SERPINB10: variants seen among roughly 807,000 people sequenced by gnomAD.
SERPINB10 encodes serpin family B member 10.
In SERPINB10, 35 loss-of-function variants were observed where a neutral mutation model predicts 39.1. The ratio of observed to expected loss-of-function variants is 0.90; its 90% CI spans 0.68 to 1.19. The LOEUF is 1.19. SERPINB10 is among the 50% of genes most tolerant of loss of function. The pLI, the probability that SERPINB10 is intolerant of heterozygous loss-of-function variation, is 0.00. For missense variants in SERPINB10, 546 were observed against 460.5 expected (o/e 1.19, Z -1.70); for synonymous variants, 190 against 158.1 (o/e 1.20, Z -1.52).
At chr18:63,912,760 C>T (rs562664512) in intron 1 of SERPINB10, among the ~76,000 whole-genome samples, 121 of 151,820 alleles carry the variant, frequency 8.0e-4, no homozygotes, top group African/African-American at 2.8e-3. Context: ...GTGTTTTTTC[C>T]AGGTTTTGGT....
In SERPINB10 at chr18:63,935,945, A is replaced by G. The variant is rs2050260479; in HGVS notation, c.*703A>G. 1 of 152,264 alleles carries G rather than the reference A, an allele frequency of 6.6e-6. No individual in the cohort carries two copies. Among genetic ancestry groups the G allele is most frequent in the Non-Finnish European group, 1.5e-5 (1 of 68,048 alleles). The allele number at this position is 152,264 out of a possible 1,614,324, so 9.4% of individuals were successfully genotyped here. A position where few individuals can be genotyped will look rare whatever the true frequency, so the allele number is the denominator to read the frequency against. On this transcript the variant is annotated 3_prime_UTR_variant, in exon 8 of 8. Coordinates refer to ENST00000238508, the MANE Select transcript of SERPINB10 (RefSeq NM_005024.3). ...AAATGAAATTTGAAGTTTAGCTAGT[A>G]GCAATCTCTCAATGTTGGTGCCCTA...
intron 6 of SERPINB10, among the ~76,000 whole-genome samples, chr18:63,932,793 AATAC>A (rs2144740271): frequency 6.6e-6 from 1 of 152,332 alleles, no homozygotes; most frequent in South Asian, 2.1e-4. Flanking sequence ...AGTTTGATTT[AATAC>A]ATGTTGCTGT....
chr18:63,933,007 T>C (rs201567032), intron 6 of SERPINB10, 41 bp from the exon 7 acceptor site: 126 of 1,578,238 alleles, frequency 8.0e-5, no homozygotes, highest in Admixed American at 1.1e-4. Flanking sequence ...ACTTCTTCAA[T>C]GACCTTGTTA....
intron 3 of SERPINB10, 23 bp from the exon 4 acceptor site, chr18:63,917,942 G>A: frequency 2.5e-6 from 4 of 1,605,220 alleles, no homozygotes; most frequent in Non-Finnish European, 3.4e-6. Context: ...CATTTTATTT[G>A]ACTAGTTCCT....
At chr18:63,934,721 TGAGTAAC>T in intron 7 of SERPINB10, 110 bp from the exon 8 acceptor site, 1 of 1,032,596 alleles carries the variant, frequency 9.7e-7, no homozygotes, top group South Asian at 2.0e-5. Context: ...GTTGTCACCC[TGAGTAAC>T]GGGAGTGATC....
chr18:63,910,760 TTGTGTGTGTG>T (rs763286030), intron 1 of SERPINB10, among the ~76,000 whole-genome samples: 2 of 83,550 alleles, frequency 2.4e-5, no homozygotes, highest in Non-Finnish European at 4.5e-5. Context: ...TGATGAACAC[TTGTGTGTGTG>T]TGTGTGTGTG....
intron 5 of SERPINB10, among the ~76,000 whole-genome samples, chr18:63,921,120 G>T (rs557164898): frequency 6.6e-6 from 1 of 151,932 alleles, no homozygotes; most frequent in East Asian, 1.9e-4. Context: ...ATCTTATGAA[G>T]AAATACAAAG....
intron 1 of SERPINB10, among the ~76,000 whole-genome samples, chr18:63,913,100 A>G (rs12327006): frequency 0.24 from 35,843 of 151,538 alleles, 4,495 homozygotes; most frequent in Admixed American, 0.31. Context: ...GATCATTTGT[A>G]TTTCTCCAGG....
chr18:63,920,580 G>T (rs764545174), intron 5 of SERPINB10, among the ~76,000 whole-genome samples: 9 of 151,978 alleles, frequency 5.9e-5, no homozygotes, highest in Non-Finnish European at 1.3e-4. Context: ...GTGGGGAAAA[G>T]AAATTTCAGC....
At chr18:63,915,775 A>T in intron 2 of SERPINB10, 97 bp downstream of exon 2, 1 of 1,028,592 alleles carries the variant, frequency 9.7e-7, no homozygotes, top group Non-Finnish European at 1.4e-6. Flanking sequence ...AATAATTTAC[A>T]TTTCACAATA....
chr18:63,913,594 G>A (rs8086048), intron 1 of SERPINB10, among the ~76,000 whole-genome samples: 39,517 of 151,752 alleles, frequency 0.26, 5,786 homozygotes, highest in African/African-American at 0.39. Context: ...AAATCTTCTT[G>A]GCATTGATTT....
Position 63,935,271 on chromosome 18 carries a change from C to A in SERPINB10, c.*29C>A, listed in dbSNP as rs1425612679. ...CTGCATATCTCTCAACAAACAAGAC[C>A]ATCTTACAGTGTGAAAAATGTACCA... On this transcript the variant is annotated 3_prime_UTR_variant, in exon 8 of 8. Coordinates refer to ENST00000238508, the MANE Select transcript of SERPINB10 (RefSeq NM_005024.3). The A allele has an allele frequency of 7.3e-6, 11 of 1,511,860 alleles. No individual in the cohort carries two copies. The highest frequency in any genetic ancestry group is 9.7e-6 in the Non-Finnish European group (11 of 1,136,798). 93.7% of individuals were successfully genotyped at this position (1,511,860 alleles called of 1,614,324 possible).
chr18:63,933,785 T>G, intron 7 of SERPINB10, among the ~76,000 whole-genome samples: 1 of 152,246 alleles, frequency 6.6e-6, no homozygotes, highest in Non-Finnish European at 1.5e-5. Context: ...ACACAACTTT[T>G]GTCAAACCAT....
chr18:63,933,586 T>C (rs1168464965), intron 7 of SERPINB10, among the ~76,000 whole-genome samples: 1 of 152,248 alleles, frequency 6.6e-6, no homozygotes, highest in Non-Finnish European at 1.5e-5. Context: ...AGGACCTATG[T>C]AATTTGAAAT....
At chr18:63,934,187 C>G (rs981517708) in intron 7 of SERPINB10, among the ~76,000 whole-genome samples, 13 of 152,228 alleles carry the variant, frequency 8.5e-5, no homozygotes, top group African/African-American at 3.1e-4. Flanking sequence ...ATCAAACATA[C>G]ACATATATAC....
chr18:63,912,913 G>GT (rs35383647), intron 1 of SERPINB10, among the ~76,000 whole-genome samples: 1 of 151,578 alleles, frequency 6.6e-6, no homozygotes. Flanking sequence ...GTTCCAGGGC[G>GT]TTTTTTGGTT....
intron 4 of SERPINB10, among the ~76,000 whole-genome samples, chr18:63,918,582 T>C (rs776034736): frequency 8.6e-5 from 13 of 151,996 alleles, no homozygotes; most frequent in Non-Finnish European, 1.6e-4. Context: ...AATAATTTCC[T>C]TCATTGTCCA....
In SERPINB10 at chr18:63,917,767, C is replaced by T. The variant is rs188604092; in HGVS notation, c.235-198C>T. 2.0e-4 allele frequency among the ~76,000 whole-genome samples: 31 copies of T among 152,108 alleles called. 1 individual carries two copies. In the East Asian group the frequency reaches 4.8e-3, roughly 24 times the overall value. ...ACTTTTCCTTGCCTGCTTTTGCAAA[C>T]TAAATGTGAAGAAAATTATGGCCTC... On this transcript the variant is annotated intron_variant, in intron 3 of 7. Transcript: ENST00000238508.
chr18:63,934,986 A>G lies in SERPINB10; in HGVS notation c.938A>G (p.Asp313Gly). ...KSTLSSMGMS[D>G]AFSQSKADFS... ...ACCCTGAGCAGTATGGGGATGAGTG[A>G]TGCCTTCAGCCAAAGCAAAGCTGAT... The change falls in exon 8 of 8, where the codon GAT becomes GGT. Residue 313 changes from aspartate (D) to glycine (G), a missense_variant. Asp to Gly is a moderately conservative substitution (Grantham distance 94). Transcript: ENST00000238508. 1 of 1,614,262 alleles carries G rather than the reference A, an allele frequency of 6.2e-7. No individual in the cohort carries two copies. The highest frequency in any genetic ancestry group is 8.5e-7 in the Non-Finnish European group (1 of 1,180,046).
Sources: gnomAD v4.1 joint callset for allele counts (sites outside exome capture counted in the v4.1 genomes callset) on GRCh38, gnomAD v4.1.1 for gene constraint, MANE v1.5 for transcripts, NCBI Gene and HGNC (gene_info 2026-07-23, HGNC 2026-07-21) for gene names.